SASH1: variants seen among roughly 807,000 people sequenced by gnomAD.
SASH1 encodes the protein SAM and SH3 domain containing 1, also known as SAM and SH3 domain-containing protein 1.
In SASH1, 44 loss-of-function variants were observed where a neutral mutation model predicts 125.2. The ratio of observed to expected loss-of-function variants is 0.35; its 90% CI spans 0.28 to 0.45. The LOEUF (loss-of-function observed/expected upper bound fraction) is 0.45. SASH1 is among the 20% of genes least tolerant of loss of function. The pLI, the probability that SASH1 is intolerant of heterozygous loss-of-function variation, is 1.00. For missense variants in SASH1, 1,426 were observed against 1,614.5 expected (o/e 0.88, Z 2.00); for synonymous variants, 639 against 649.1 (o/e 0.98, Z 0.24).
chr6:148,387,977 A>G (rs1783544332), intron 1 of SASH1, among the ~76,000 whole-genome samples: 1 of 127,940 alleles, frequency 7.8e-6, no homozygotes, highest in Non-Finnish European at 1.6e-5. Flanking sequence ...GTGCAATGGC[A>G]CAATCCTGGC....
chr6:148,524,121 A>ATATATATATATATATATTTTTT (rs1193506716), intron 10 of SASH1, among the ~76,000 whole-genome samples: 1 of 128,610 alleles, frequency 7.8e-6, no homozygotes, highest in Non-Finnish European at 1.6e-5. Context: ...ATATATATAT[A>ATATATATATATATATATTTTTT]TTTTTTTTAA....
At chr6:148,316,517 T>C (rs1780483723) in intron 1 of SASH1, among the ~76,000 whole-genome samples, 1 of 152,238 alleles carries the variant, frequency 6.6e-6, no homozygotes, top group Non-Finnish European at 1.5e-5. Context: ...ACGGCCCGCT[T>C]CAGGGCATCA....
intron 4 of SASH1, among the ~76,000 whole-genome samples, chr6:148,467,665 A>G (rs1254530754): frequency 6.6e-6 from 1 of 152,204 alleles, no homozygotes; most frequent in Non-Finnish European, 1.5e-5. Context: ...GGCTGGGCAC[A>G]GTGGCTCACG....
chr6:148,413,897 T>TA (rs953452912), intron 2 of SASH1, among the ~76,000 whole-genome samples: 50 of 142,346 alleles, frequency 3.5e-4, no homozygotes, highest in African/African-American at 6.2e-4. Flanking sequence ...TGACGAAGCA[T>TA]AAAAAAAAAA....
In SASH1 at chr6:148,549,481, CTG is replaced by C. The variant is rs1344358659; in HGVS notation, c.*928_*929del. On this transcript the variant is annotated 3_prime_UTR_variant, in exon 20 of 20. Coordinates refer to ENST00000367467, the MANE Select transcript of SASH1 (RefSeq NM_015278.5). ...GGTTTTAACCAGTTTAGTATCGTTA[CTG>C]TGTGGATCGTCGCGCTGCAGTATTG... 5.0e-6 allele frequency: 2 copies of C among 396,456 alleles called. No homozygotes were observed. The highest frequency in any genetic ancestry group is 8.9e-6 in the Non-Finnish European group (2 of 224,478). The allele number at this position is 396,456 out of a possible 1,614,324, so 24.6% of individuals were successfully genotyped here.
chr6:148,370,638 A>G (rs1782670555), intron 1 of SASH1, among the ~76,000 whole-genome samples: 1 of 152,122 alleles, frequency 6.6e-6, no homozygotes, highest in Non-Finnish European at 1.5e-5. Flanking sequence ...CCTGGCTAAC[A>G]CAGTGAAACC....
chr6:148,359,851 C>T (rs12202214), intron 1 of SASH1, among the ~76,000 whole-genome samples: 5,132 of 152,044 alleles, frequency 0.034, 143 homozygotes, highest in South Asian at 0.089. Context: ...CTTTGCCTGC[C>T]GGATTCAAGT....
At chr6:148,259,051 T>C in the SASH1 span, among the ~76,000 whole-genome samples, 12,946 of 152,276 alleles carry the variant, frequency 0.085, 604 homozygotes, top group Middle Eastern at 0.12. Flanking sequence ...GTATTTTTCC[T>C]GTTTTCTGTT....
chr6:148,326,341 T>TATATATATGC (rs1258425273), intron 1 of SASH1, among the ~76,000 whole-genome samples: 7 of 88,376 alleles, frequency 7.9e-5, no homozygotes, highest in African/African-American at 3.0e-4. Flanking sequence ...TATATATATA[T>TATATATATGC]ATATATATAT....
chr6:148,525,743 C>T (rs1306212003), intron 11 of SASH1, among the ~76,000 whole-genome samples: 4 of 152,198 alleles, frequency 2.6e-5, no homozygotes. Flanking sequence ...AAGTGGAGCC[C>T]TGTGATTTGG....
At chr6:148,392,663 T>C (rs1390946049) in intron 2 of SASH1, among the ~76,000 whole-genome samples, 1 of 152,222 alleles carries the variant, frequency 6.6e-6, no homozygotes, top group Non-Finnish European at 1.5e-5. Flanking sequence ...CAAATATTAA[T>C]TGATTCTCTT....
chr6:148,511,324 T>TAC (rs58822082), intron 8 of SASH1, among the ~76,000 whole-genome samples: 4,785 of 135,390 alleles, frequency 0.035, 101 homozygotes, highest in Middle Eastern at 0.088. Context: ...AATTTTCTAT[T>TAC]ACACACACAC....
chr6:148,299,393 G>A (rs1250040834), intron 1 of SASH1, among the ~76,000 whole-genome samples: 1 of 149,952 alleles, frequency 6.7e-6, no homozygotes, highest in East Asian at 1.9e-4. Flanking sequence ...GTCGTTGGGT[G>A]CGGTGGCTCA....
chr6:148,490,067 AAT>A, intron 8 of SASH1, among the ~76,000 whole-genome samples: 1 of 53,656 alleles, frequency 1.9e-5, no homozygotes, highest in Non-Finnish European at 4.0e-5. Flanking sequence ...TGCAAAAAAT[AAT>A]AATAATAATA....
Position 148,389,044 on chromosome 6 carries a change from A to T in SASH1, c.157-1090A>T, listed in dbSNP as rs548509695. On this transcript the variant is annotated intron_variant, in intron 1 of 19. Coordinates refer to ENST00000367467, the MANE Select transcript of SASH1 (RefSeq NM_015278.5). ...GGCATAACTTACAAATGTACAAGGTATTTCTGTCATCCTCCCTGTATGTAT... is the reference window on the plus strand; with the variant it reads ...GGCATAACTTACAAATGTACAAGGTTTTTCTGTCATCCTCCCTGTATGTAT... Among the ~76,000 whole-genome samples, 6 of 152,250 alleles carry T rather than the reference A, an allele frequency of 3.9e-5. No homozygotes were observed. In the East Asian group the frequency reaches 9.6e-4, roughly 24 times the overall value.
intron 8 of SASH1, among the ~76,000 whole-genome samples, chr6:148,507,228 G>A (rs561192746): frequency 3.7e-4 from 56 of 152,218 alleles, no homozygotes; most frequent in Non-Finnish European, 5.7e-4. Context: ...ACGCCAGCCC[G>A]CCCAGGGAAG....
At chr6:148,512,849 G>C in intron 8 of SASH1, 1 of 985,300 alleles carries the variant, frequency 1.0e-6, no homozygotes, top group Non-Finnish European at 1.2e-6. Flanking sequence ...CTTCTGTCCT[G>C]ATGACTTGCT....
chr6:148,532,075 ATTTTAT>A lies in SASH1; in HGVS notation c.1564+431_1564+436del, dbSNP rs928603854. 4.6e-4 allele frequency among the ~76,000 whole-genome samples: 70 copies of A among 152,168 alleles called. No homozygotes were observed. The highest frequency in any genetic ancestry group is 1.2e-3 in the Admixed American group (18 of 15,280). ...TGGTATGAAGGAAAAGATCAACTTT[ATTTTAT>A]TTTTATTTTTATTTTTGAGATGGAG... On this transcript the variant is annotated intron_variant, in intron 13 of 19. Transcript: ENST00000367467. This position sits in a 1 kb window ranked among gnomAD's most constrained non-coding sequence, Gnocchi z 4.7.
chr6:148,341,144 T>G (rs1044145149), upstream of SASH1, among the ~76,000 whole-genome samples: 1 of 152,066 alleles, frequency 6.6e-6, no homozygotes, highest in Non-Finnish European at 1.5e-5. Flanking sequence ...AAAAAATTTT[T>G]CAGCATACTT....
Sources: gnomAD v4.1 joint callset for allele counts (sites outside exome capture counted in the v4.1 genomes callset) on GRCh38, gnomAD v4.1.1 for gene constraint, Gnocchi (gnomAD v3.1) non-coding constraint, MANE v1.5 for transcripts, NCBI Gene and HGNC (gene_info 2026-07-23, HGNC 2026-07-21) for gene names.